KLHL24: variants seen among roughly 807,000 people sequenced by gnomAD.
KLHL24 encodes the protein kelch like family member 24, also known as kelch-like protein 24.
In KLHL24, 29 loss-of-function variants were observed where a neutral mutation model predicts 53.4. The ratio of observed to expected loss-of-function variants is 0.54; its 90% CI spans 0.40 to 0.74. The LOEUF (loss-of-function observed/expected upper bound fraction) is 0.74. Among genes scored for constraint, KLHL24 ranks in the 30% least tolerant of loss-of-function variants. The probability of loss-of-function intolerance (pLI) is 0.00; values close to 1 mark genes in which losing one functional copy is unlikely to be tolerated. For synonymous variants in KLHL24, 222 were observed against 253.7 expected (o/e 0.88, Z 1.19); for missense variants, 504 against 744.0 (o/e 0.68, Z 3.75).
chr3:183,645,320 T>C (rs1417417697), intron 2 of KLHL24, among the ~76,000 whole-genome samples: 1 of 152,216 alleles, frequency 6.6e-6, no homozygotes, highest in Non-Finnish European at 1.5e-5. Context: ...GGGGGATACA[T>C]TTCTGTTTAT....
intron 2 of KLHL24, among the ~76,000 whole-genome samples, chr3:183,646,855 G>A (rs536647470): frequency 6.2e-4 from 94 of 152,002 alleles, no homozygotes; most frequent in African/African-American, 2.1e-3. Context: ...TGTCACCCAG[G>A]CTGGAGTGCA....
chr3:183,666,377 G>A (rs905733946), intron 5 of KLHL24, among the ~76,000 whole-genome samples: 3 of 151,660 alleles, frequency 2.0e-5, no homozygotes, highest in East Asian at 1.9e-4. Flanking sequence ...TCCCTTCTAC[G>A]TCAGCCTCCC....
chr3:183,670,243 C>T (rs1721150722), intron 5 of KLHL24, among the ~76,000 whole-genome samples: 1 of 152,000 alleles, frequency 6.6e-6, no homozygotes, highest in Non-Finnish European at 1.5e-5. Flanking sequence ...CCAGCCTGAG[C>T]AACAGAATGA....
At chr3:183,655,132 A>G (rs1325223961) in intron 3 of KLHL24, among the ~76,000 whole-genome samples, 2 of 152,170 alleles carry the variant, frequency 1.3e-5, no homozygotes, top group Non-Finnish European at 2.9e-5. Context: ...AATTCTCCCT[A>G]TATACCCACG....
At chr3:183,643,337 CTAAT>C (rs1338136549) in intron 1 of KLHL24, 139 bp from the exon 2 acceptor site, 2 of 152,164 alleles carry the variant, frequency 1.3e-5, no homozygotes, top group African/African-American at 4.8e-5. Context: ...ATGTTATTCA[CTAAT>C]TATTTTTAAA....
chr3:183,650,303 A>G lies in KLHL24; in HGVS notation c.-54A>G, dbSNP rs1717950468. On this transcript the variant is annotated 5_prime_UTR_variant, in exon 3 of 8. Coordinates refer to ENST00000242810, the MANE Select transcript of KLHL24 (RefSeq NM_017644.3). This position sits in a 1 kb window ranked among gnomAD's most constrained non-coding sequence, Gnocchi z 4.5. ...TCCTTTTTTTACTTTTAGCCACATA[A>G]AGAAGATCCCTAATAGTCATTTCTC... 7.1e-7 allele frequency: 1 copy of G among 1,413,480 alleles called. No individual in the cohort carries two copies. Among genetic ancestry groups the G allele is most frequent in the African/African-American group, 1.4e-5 (1 of 69,288 alleles). 87.6% of individuals were successfully genotyped at this position (1,413,480 alleles called of 1,614,324 possible). A position where few individuals can be genotyped will look rare whatever the true frequency, so the allele number is the denominator to read the frequency against.
intron 7 of KLHL24, among the ~76,000 whole-genome samples, chr3:183,675,611 T>C (rs1261535817): frequency 6.6e-6 from 1 of 152,014 alleles, no homozygotes. Context: ...TCAGTGAAGA[T>C]TGTAAAGAAT....
intron 2 of KLHL24, among the ~76,000 whole-genome samples, chr3:183,649,802 AG>A (rs1206251161): frequency 6.6e-6 from 1 of 152,122 alleles, no homozygotes; most frequent in Non-Finnish European, 1.5e-5. Context: ...AGGCTGAGGC[AG>A]GAAGATCGCT....
intron 3 of KLHL24, among the ~76,000 whole-genome samples, chr3:183,656,059 T>TTTTTTTTTTTTGTTTTTTC (rs1178459038): frequency 7.4e-6 from 1 of 135,684 alleles, no homozygotes; most frequent in Non-Finnish European, 1.6e-5. Context: ...TTTTTTTTTT[T>TTTTTTTTTTTTGTTTTTTC]TTTCTGAGAC....
intron 3 of KLHL24, among the ~76,000 whole-genome samples, chr3:183,655,586 G>A (rs1718736474): frequency 1.3e-5 from 2 of 151,986 alleles, no homozygotes; most frequent in Admixed American, 6.6e-5. Context: ...CCATGAGCAG[G>A]CCACTGCATT....
In KLHL24 at chr3:183,672,276, A is replaced by T; in HGVS notation, c.1414-20A>T. The T allele has an allele frequency of 7.5e-7, 1 of 1,339,462 alleles. No individual in the cohort carries two copies. Among genetic ancestry groups the T allele is most frequent in the Non-Finnish European group, 1.0e-6 (1 of 998,556 alleles). The allele number at this position is 1,339,462 out of a possible 1,614,324, so 83.0% of individuals were successfully genotyped here. A position where few individuals can be genotyped will look rare whatever the true frequency, so the allele number is the denominator to read the frequency against. On this transcript the variant is annotated intron_variant, in intron 6 of 7. Coordinates refer to ENST00000242810, the MANE Select transcript of KLHL24 (RefSeq NM_017644.3). ...ATTTTTGTTTAGAAATTTTAATTAT[A>T]TATTTTTATATGTTATTAGGTTCAA...
intron 3 of KLHL24, among the ~76,000 whole-genome samples, chr3:183,656,210 G>C (rs1718866129): frequency 6.6e-6 from 1 of 151,700 alleles, no homozygotes; most frequent in South Asian, 2.1e-4. Context: ...CTTATTTTTT[G>C]TAGAAATGGG....
intron 2 of KLHL24, among the ~76,000 whole-genome samples, chr3:183,649,399 T>A (rs1717796496): frequency 6.6e-6 from 1 of 152,152 alleles, no homozygotes; most frequent in South Asian, 2.1e-4. Flanking sequence ...TGTACTGTGG[T>A]TTGACCAATC....
chr3:183,669,115 CAT>C (rs1389036965), intron 5 of KLHL24, among the ~76,000 whole-genome samples: 1 of 152,106 alleles, frequency 6.6e-6, no homozygotes, highest in Non-Finnish European at 1.5e-5. Context: ...TTAATTTACA[CAT>C]GTAGGAATAC....
At chr3:183,644,257 A>C (rs1363291778) in intron 2 of KLHL24, 3 of 152,022 alleles carry the variant, frequency 2.0e-5, no homozygotes, top group African/African-American at 7.2e-5. Context: ...TTATTGTATA[A>C]AATGGGAAGG....
At chr3:183,660,958 G>A (rs1719668511) in intron 3 of KLHL24, among the ~76,000 whole-genome samples, 1 of 140,134 alleles carries the variant, frequency 7.1e-6, no homozygotes, top group South Asian at 2.2e-4. Flanking sequence ...CCAGCTACTT[G>A]GGAGGCTGAG....
At chr3:183,642,199 G>A (rs13059594) in intron 1 of KLHL24, among the ~76,000 whole-genome samples, 50,901 of 152,002 alleles carry the variant, frequency 0.33, 9,389 homozygotes, top group African/African-American at 0.49. Context: ...CTGCATCCCT[G>A]CATTGATTCA....
intron 6 of KLHL24, 132 bp downstream of exon 6, chr3:183,671,354 TGGAG>T: frequency 1.6e-6 from 1 of 644,360 alleles, no homozygotes; most frequent in Non-Finnish European, 2.5e-6. Context: ...TATATGCTTT[TGGAG>T]AAAAACATTG....
At chr3:183,674,437 T>C (rs892795255) in intron 7 of KLHL24, among the ~76,000 whole-genome samples, 1 of 151,978 alleles carries the variant, frequency 6.6e-6, no homozygotes, top group Non-Finnish European at 1.5e-5. Flanking sequence ...CTCCACACAC[T>C]GCAAACTCCG....
Sources: gnomAD v4.1 joint callset for allele counts (sites outside exome capture counted in the v4.1 genomes callset) on GRCh38, gnomAD v4.1.1 for gene constraint, Gnocchi (gnomAD v3.1) non-coding constraint, MANE v1.5 for transcripts, NCBI Gene and HGNC (gene_info 2026-07-23, HGNC 2026-07-21) for gene names.